Variants in HSD17B11 observed in about 807,000 individuals in gnomAD.
HSD17B11 encodes hydroxysteroid 17-beta dehydrogenase 11, also known as estradiol 17-beta-dehydrogenase 11.
HSD17B11 carries 22 observed loss-of-function variants against 27.8 expected under a neutral mutation model. The observed-to-expected ratio is 0.79, with a 90% CI of 0.56 to 1.13. HSD17B11 has a LOEUF of 1.13. HSD17B11 is among the 50% of genes most tolerant of loss of function. The probability of loss-of-function intolerance (pLI) is 0.00; values close to 1 mark genes in which losing one functional copy is unlikely to be tolerated. For synonymous variants in HSD17B11, 117 were observed against 132.8 expected (o/e 0.88, Z 0.82); for missense variants, 314 against 351.1 (o/e 0.89, Z 0.84).
At chr4:87,379,418 A>G (rs956181065) in intron 2 of HSD17B11, among the ~76,000 whole-genome samples, 1 of 149,366 alleles carries the variant, frequency 6.7e-6, no homozygotes, top group African/African-American at 2.4e-5. Flanking sequence ...AATGTCAACA[A>G]GGTCATCAGA....
In HSD17B11 at chr4:87,391,029, C is replaced by A; in HGVS notation, c.42G>T (p.Leu14=). The change falls in exon 1 of 7, where the codon CTG becomes CTT. Residue 14 remains leucine (L), a synonymous_variant. Coordinates refer to ENST00000358290, the MANE Select transcript of HSD17B11 (RefSeq NM_016245.5). ...LLDILLLLPL[L]IVCSLESFVK... Reference sequence around the variant, plus strand: ...CGAAGGACTCTAGGGAGCAGACGATCAGTAACGGGAGAAGCAGGAGGATGT... The same window carrying A: ...CGAAGGACTCTAGGGAGCAGACGATAAGTAACGGGAGAAGCAGGAGGATGT... 6.2e-7 allele frequency: 1 copy of A among 1,613,668 alleles called. No individual in the cohort carries two copies. The highest frequency in any genetic ancestry group is 8.5e-7 in the Non-Finnish European group (1 of 1,179,972).
chr4:87,357,545 T>A (rs1020247284), intron 4 of HSD17B11, 129 bp from the exon 5 acceptor site: 77 of 740,486 alleles, frequency 1.0e-4, no homozygotes, highest in Non-Finnish European at 1.6e-4. Context: ...CCAGAGCTAC[T>A]GCATCAGAGC....
rs141582840 is a variant in HSD17B11, at chr4:87,342,294, A to T, written c.696-1688T>A. 6.1e-4 allele frequency among the ~76,000 whole-genome samples: 93 copies of T among 152,030 alleles called. 1 individual carries two copies. Among genetic ancestry groups the T allele is most frequent in the Middle Eastern group, 3.4e-3 (1 of 294 alleles). On this transcript the variant is annotated intron_variant, in intron 5 of 6. Transcript: ENST00000358290. ...CTACTCGAGAGGCTGAGGCAGGAGA[A>T]TCACTAGAACCCAGGAGGCAGAGAT...
chr4:87,372,641 G>T, intron 4 of HSD17B11, 68 bp downstream of exon 4: 1 of 934,252 alleles, frequency 1.1e-6, no homozygotes, highest in Non-Finnish European at 1.7e-6. Flanking sequence ...GTTCTTATTA[G>T]ACAGGGTAAG....
At chr4:87,354,949 CA>C (rs11305478) in intron 5 of HSD17B11, among the ~76,000 whole-genome samples, 38,242 of 91,594 alleles carry the variant, frequency 0.42, 5,868 homozygotes, top group Middle Eastern at 0.47. Context: ...TCCTGGCTCT[CA>C]AAAAAAAAAA....
intron 4 of HSD17B11, among the ~76,000 whole-genome samples, chr4:87,367,537 G>C (rs186098077): frequency 6.6e-6 from 1 of 152,090 alleles, no homozygotes; most frequent in Non-Finnish European, 1.5e-5. Context: ...AATTATTCTC[G>C]CTGCACTTTA....
chr4:87,357,713 T>C (rs971448207), intron 4 of HSD17B11, among the ~76,000 whole-genome samples: 5 of 152,188 alleles, frequency 3.3e-5, no homozygotes, highest in African/African-American at 1.2e-4. Context: ...GTTTTTGTTG[T>C]TGTTCCACAA....
Position 87,382,252 on chromosome 4 carries a change from C to T in HSD17B11, c.318+3G>A, listed in dbSNP as rs562772488. The stretch of plus-strand genomic sequence containing the variant: ...ATGATTCTAACTAAACACAACATTT[C>T]ACCTTCTTTGCAGAGCTGTAAATAT... On this transcript the variant is annotated splice_donor_region_variant and intron_variant, in intron 2 of 6. Transcript: ENST00000358290. The T allele has an allele frequency of 9.3e-6, 15 of 1,606,032 alleles. No homozygotes were observed. Among genetic ancestry groups the T allele is most frequent in the East Asian group, 4.5e-5 (2 of 44,860 alleles).
chr4:87,386,774 T>A (rs1720330514), intron 1 of HSD17B11: 1 of 152,202 alleles, frequency 6.6e-6, no homozygotes, highest in Admixed American at 6.5e-5. Context: ...TTATGCCCAT[T>A]ATTCTTTCAG....
intron 1 of HSD17B11, among the ~76,000 whole-genome samples, chr4:87,382,872 C>T (rs1256277372): frequency 4.6e-5 from 7 of 151,998 alleles, no homozygotes; most frequent in East Asian, 3.9e-4. Context: ...GGTAGAGTCC[C>T]GACCCCAAGA....
chr4:87,345,405 A>T (rs575833826), intron 5 of HSD17B11, among the ~76,000 whole-genome samples: 1 of 152,296 alleles, frequency 6.6e-6, no homozygotes, highest in South Asian at 2.1e-4. Context: ...CACATTAAGA[A>T]ACTATAGAAA....
chr4:87,381,619 C>T (rs928076975), intron 2 of HSD17B11, among the ~76,000 whole-genome samples: 7 of 151,592 alleles, frequency 4.6e-5, no homozygotes, highest in East Asian at 1.9e-4. Flanking sequence ...AATTAGCTGG[C>T]GTGGTGGCAC....
chr4:87,372,847 T>C, intron 3 of HSD17B11, 32 bp from the exon 4 acceptor site: 4 of 1,168,968 alleles, frequency 3.4e-6, no homozygotes, highest in Non-Finnish European at 5.1e-6. Flanking sequence ...AGAGAAAAAA[T>C]ACTGTATTTC....
At chr4:87,389,131 T>C (rs1720390617) in intron 1 of HSD17B11, among the ~76,000 whole-genome samples, 1 of 152,216 alleles carries the variant, frequency 6.6e-6, no homozygotes, top group South Asian at 2.1e-4. Flanking sequence ...TATATCACCA[T>C]GCCAGACCTT....
chr4:87,370,746 A>AT (rs1252040331), intron 4 of HSD17B11, among the ~76,000 whole-genome samples: 193 of 5,330 alleles, frequency 0.036, 5 homozygotes, highest in South Asian at 0.1. Context: ...TATTATTATT[A>AT]TTATTATTAT....
intron 4 of HSD17B11, among the ~76,000 whole-genome samples, chr4:87,367,068 C>A (rs905381726): frequency 1.3e-4 from 20 of 152,240 alleles, no homozygotes; most frequent in African/African-American, 4.6e-4. Flanking sequence ...TTCTCTCTAC[C>A]TGATTTCTCC....
chr4:87,340,162 G>A (rs190370966), intron 6 of HSD17B11: 243 of 156,222 alleles, frequency 1.6e-3, no homozygotes, highest in Non-Finnish European at 2.7e-3. Context: ...CCTAACTCTG[G>A]TCTCCTTTAA....
chr4:87,353,552 C>A (rs559464814), intron 5 of HSD17B11, among the ~76,000 whole-genome samples: 64 of 152,250 alleles, frequency 4.2e-4, no homozygotes, highest in African/African-American at 1.4e-3. Flanking sequence ...CTTCCTTAGC[C>A]AGGTTTATAT....
chr4:87,376,502 T>G (rs1200377217), intron 2 of HSD17B11, among the ~76,000 whole-genome samples: 3 of 43,616 alleles, frequency 6.9e-5, no homozygotes, highest in Admixed American at 3.6e-4. Flanking sequence ...AGATTTCATC[T>G]CAAAAAAAAA....
Sources: allele counts gnomAD v4.1 joint callset (sites outside exome capture counted in the v4.1 genomes callset), GRCh38; gene constraint gnomAD v4.1.1; transcripts MANE v1.5; gene names NCBI Gene and HGNC (gene_info 2026-07-23, HGNC 2026-07-21).